Variants in DNAH14 observed in about 807,000 individuals in gnomAD.
DNAH14 encodes the protein dynein axonemal heavy chain 14.
Under a neutral mutation model 520.9 loss-of-function variants are expected in DNAH14, and 478 were observed. That is an observed-to-expected ratio of 0.92 (90% CI 0.85 to 0.99). The LOEUF is 0.99. DNAH14 is among the 50% of genes least tolerant of loss of function. DNAH14 has a pLI of 0.00. For synonymous variants in DNAH14, 1,581 were observed against 1,757.2 expected, an observed-to-expected ratio of 0.90 and a Z score of 2.51; for missense variants, 4,831 against 5,234.5, an observed-to-expected ratio of 0.92 and a Z score of 2.38.
chr1:225,044,000 C>T lies in DNAH14; in HGVS notation c.1912+17C>T. ...AATGTATAAGTAAGTGTTTTTAAAG[C>T]TTAGTGAAATGCATTGTCTTCTTTG... On this transcript the variant is annotated intron_variant, in intron 15 of 85. Transcript: ENST00000682510. 2 of 1,394,712 alleles carry T rather than the reference C, an allele frequency of 1.4e-6. No homozygotes were observed. Among genetic ancestry groups the T allele is most frequent in the Non-Finnish European group, 1.9e-6 (2 of 1,026,958 alleles). The allele number at this position is 1,394,712 out of a possible 1,614,324, so 86.4% of individuals were successfully genotyped here. A position where few individuals can be genotyped will look rare whatever the true frequency, so the allele number is the denominator to read the frequency against.
At position 225,196,045 on chromosome 1, in the gene DNAH14, G is replaced by T. The variant is rs143954126; in HGVS notation, c.5886+3134G>T. Among the ~76,000 whole-genome samples, 450 of 151,810 alleles carry T rather than the reference G, an allele frequency of 3.0e-3. 4 individuals are homozygous for T. Among genetic ancestry groups the T allele is most frequent in the African/African-American group, 0.01 (421 of 41,374 alleles). On this transcript the variant is annotated intron_variant, in intron 38 of 85. Coordinates refer to ENST00000682510, the MANE Select transcript of DNAH14 (RefSeq NM_001367479.1). ...TTTATTTTTATTTCCATAGGTTATT[G>T]GGGAACGGGTGGTATTTGGATACAT... is the stretch of plus-strand genomic sequence containing the variant.
At chr1:225,310,587 A>C (rs1416295048) in intron 60 of DNAH14, among the ~76,000 whole-genome samples, 6 of 152,082 alleles carry the variant, frequency 3.9e-5, no homozygotes, top group African/African-American at 1.2e-4. Context: ...TCCTAATGTT[A>C]TCTCTCCCCT....
At chr1:225,069,434 A>C (rs1468281461) in intron 17 of DNAH14, among the ~76,000 whole-genome samples, 3 of 152,194 alleles carry the variant, frequency 2.0e-5, no homozygotes, top group South Asian at 4.1e-4. Context: ...AATCGCATTA[A>C]AGGCATTTTC....
intron 79 of DNAH14, 86 bp from the exon 80 acceptor site, chr1:225,380,073 C>T: frequency 1.5e-6 from 2 of 1,378,108 alleles, no homozygotes; most frequent in Non-Finnish European, 2.0e-6. Flanking sequence ...TCCTGTCTAC[C>T]AGTAATCTTG....
At chr1:225,392,707 T>C (rs2150864529) in intron 84 of DNAH14, among the ~76,000 whole-genome samples, 1 of 152,198 alleles carries the variant, frequency 6.6e-6, no homozygotes, top group East Asian at 1.9e-4. Context: ...TTTCTAAGTA[T>C]CCCCTATTAT....
chr1:225,034,515 TTGTGTGTG>T (rs71170047), intron 11 of DNAH14, among the ~76,000 whole-genome samples: 14 of 147,698 alleles, frequency 9.5e-5, no homozygotes, highest in African/African-American at 1.3e-4. Context: ...TGGCTTGAAT[TTGTGTGTG>T]TGTGTGTGTG....
At position 225,079,535 on chromosome 1, in the gene DNAH14, A is replaced by G; in HGVS notation, c.2753A>G (p.Asn918Ser). The change falls in exon 18 of 86, where the codon AAT (asparagine) becomes AGT (serine). Residue 918 changes from asparagine to serine, a missense_variant. Coordinates refer to ENST00000682510, the MANE Select transcript of DNAH14 (RefSeq NM_001367479.1). ...CISGLHVDVGNLKAKIRTPLL... is the reference protein window; with the variant it reads ...CISGLHVDVGSLKAKIRTPLL... ...AGTGGTCTACATGTTGATGTTGGCAATTTAAAAGCCAAGGTAAGTTTTTAG... is the reference window on the plus strand; with the variant it reads ...AGTGGTCTACATGTTGATGTTGGCAGTTTAAAAGCCAAGGTAAGTTTTTAG... 1 of 1,507,704 alleles carries G rather than the reference A, an allele frequency of 6.6e-7. No homozygotes were observed. The highest frequency in any genetic ancestry group is 2.5e-5 in the East Asian group (1 of 40,202). The allele number at this position is 1,507,704 out of a possible 1,614,324, so 93.4% of individuals were successfully genotyped here.
intron 79 of DNAH14, 144 bp downstream of exon 79, chr1:225,377,580 T>G: frequency 1.4e-6 from 1 of 739,630 alleles, no homozygotes; most frequent in South Asian, 2.3e-5. Context: ...AGCAACATGG[T>G]GAAACCCTGT....
chr1:224,935,320 C>T (rs1261966917), intron 1 of DNAH14, among the ~76,000 whole-genome samples: 1 of 151,770 alleles, frequency 6.6e-6, no homozygotes, highest in Non-Finnish European at 1.5e-5. Context: ...AAAGATTCAG[C>T]TATATGCTGC....
At chr1:224,998,601 A>T (rs1335268404) in intron 8 of DNAH14, among the ~76,000 whole-genome samples, 1 of 151,810 alleles carries the variant, frequency 6.6e-6, no homozygotes, top group African/African-American at 2.4e-5. Context: ...GTTTGATTTC[A>T]TTGTGGTGAG....
At chr1:225,252,538 T>G in intron 44 of DNAH14, 121 bp downstream of exon 44, 1 of 589,954 alleles carries the variant, frequency 1.7e-6, no homozygotes, top group Non-Finnish European at 2.9e-6. Context: ...TGAGGACTAA[T>G]ATGTTTGTGT....
intron 43 of DNAH14, among the ~76,000 whole-genome samples, chr1:225,241,229 G>C (rs906451592): frequency 1.3e-4 from 19 of 151,898 alleles, no homozygotes; most frequent in African/African-American, 4.4e-4. Context: ...CTTAGTACTT[G>C]TGCTTTTTGA....
intron 21 of DNAH14, among the ~76,000 whole-genome samples, chr1:225,087,483 A>G (rs2073947346): frequency 6.6e-6 from 1 of 152,236 alleles, no homozygotes; most frequent in African/African-American, 2.4e-5. Context: ...TAGCCAAATC[A>G]GACTAGACAA....
At chr1:224,946,198 G>T (rs56275175) in intron 1 of DNAH14, among the ~76,000 whole-genome samples, 4 of 152,058 alleles carry the variant, frequency 2.6e-5, no homozygotes, top group Non-Finnish European at 5.9e-5. Context: ...AATTATGGGC[G>T]CCCCTCCCTC....
chr1:225,188,435 AATT>A (rs1485931396), intron 37 of DNAH14, among the ~76,000 whole-genome samples: 2 of 152,006 alleles, frequency 1.3e-5, no homozygotes, highest in East Asian at 3.9e-4. Flanking sequence ...TTGTTCTATT[AATT>A]ATTGTTAACA....
At chr1:225,397,635 G>A (rs1459824349) in intron 84 of DNAH14, 1 of 152,246 alleles carries the variant, frequency 6.6e-6, no homozygotes, top group Non-Finnish European at 1.5e-5. Context: ...GGAGTCACCT[G>A]GAATTGGAGC....
intron 73 of DNAH14, chr1:225,357,829 G>A (rs1269774357): frequency 1.4e-6 from 1 of 702,108 alleles, no homozygotes. Flanking sequence ...TGTTGAACAT[G>A]TTCAGGACAT....
intron 39 of DNAH14, among the ~76,000 whole-genome samples, chr1:225,205,379 A>G (rs2087411085): frequency 6.6e-6 from 1 of 152,210 alleles, no homozygotes; most frequent in African/African-American, 2.4e-5. Context: ...CCACGAAGAT[A>G]GCACCCCCAG....
At chr1:225,272,579 C>T (rs1403054178) in intron 51 of DNAH14, among the ~76,000 whole-genome samples, 3 of 152,124 alleles carry the variant, frequency 2.0e-5, no homozygotes, top group Non-Finnish European at 1.5e-5. Flanking sequence ...GTGAAATGGG[C>T]TATAACATTT....
Sources: allele counts gnomAD v4.1 joint callset (sites outside exome capture counted in the v4.1 genomes callset), GRCh38; gene constraint gnomAD v4.1.1; transcripts MANE v1.5; gene names NCBI Gene and HGNC (gene_info 2026-07-23, HGNC 2026-07-21).